Variants in SLC5A10 observed in about 807,000 individuals in gnomAD.
The protein encoded by SLC5A10 is solute carrier family 5 member 10.
In SLC5A10, 55 loss-of-function variants were observed where a neutral mutation model predicts 68.9. That is an observed-to-expected ratio of 0.80 (90% CI 0.64 to 1.00). The LOEUF is 1.00. SLC5A10 is among the 50% of genes least tolerant of loss of function. The pLI is 0.00. For missense variants in SLC5A10, 732 were observed against 819.3 expected (o/e 0.89, Z 1.30); for synonymous variants, 344 against 344.8 (o/e 1.00, Z 0.02).
Position 19,017,583 on chromosome 17 carries a change from GAC to G in SLC5A10, c.1242-1839_1242-1838del, listed in dbSNP as rs958466199. On this transcript the variant is annotated intron_variant, in intron 11 of 14. Coordinates refer to ENST00000395645, the MANE Select transcript of SLC5A10 (RefSeq NM_001042450.4). This position sits in a 1 kb window ranked among gnomAD's most constrained non-coding sequence, Gnocchi z 5.6. ...CCGTCACAGGCTGGGGGAGAGCGAT[GAC>G]CCGCCCCCACTCCCGTATGCCTGCC... 4 of 582,612 alleles carry G rather than the reference GAC, an allele frequency of 6.9e-6. No homozygotes were observed. The African/African-American group carries it at 7.5e-5, about 11-fold the overall frequency. 36.1% of individuals were successfully genotyped at this position (582,612 alleles called of 1,614,324 possible).
chr17:18,970,868 T>C (rs1461710793), intron 7 of SLC5A10, 145 bp from the exon 8 acceptor site: 1 of 695,600 alleles, frequency 1.4e-6, no homozygotes, highest in Non-Finnish European at 2.5e-6. Context: ...CCCTCACACC[T>C]TTCCAAACAC....
At chr17:19,006,144 G>A (rs1054711681) in intron 9 of SLC5A10, among the ~76,000 whole-genome samples, 1 of 152,196 alleles carries the variant, frequency 6.6e-6, no homozygotes, top group Non-Finnish European at 1.5e-5. Context: ...CCCCAGTAGC[G>A]ACGTTTTGCA....
chr17:18,966,287 G>A (rs1597824952), intron 5 of SLC5A10, among the ~76,000 whole-genome samples: 1 of 152,258 alleles, frequency 6.6e-6, no homozygotes, highest in South Asian at 2.1e-4. Flanking sequence ...CAGTTGCTCC[G>A]GCCCCATGGG....
At chr17:18,995,379 A>G (rs909500422) in intron 9 of SLC5A10, among the ~76,000 whole-genome samples, 1 of 152,226 alleles carries the variant, frequency 6.6e-6, no homozygotes, top group Non-Finnish European at 1.5e-5. Context: ...ATTAAACACT[A>G]TAGAAGAGAA....
chr17:18,969,930 C>G (rs560079825), intron 7 of SLC5A10: 1 of 153,482 alleles, frequency 6.5e-6, no homozygotes, highest in African/African-American at 2.4e-5. Context: ...CAGGGCTGCC[C>G]GGAGAGAGCG....
At chr17:19,001,814 G>A (rs773184908) in intron 9 of SLC5A10, among the ~76,000 whole-genome samples, 2 of 152,224 alleles carry the variant, frequency 1.3e-5, no homozygotes, top group African/African-American at 4.8e-5. Context: ...GGATCTGTCT[G>A]TCTGCAGACC....
chr17:19,019,412 C>G lies in SLC5A10; in HGVS notation c.1242-11C>G. On this transcript the variant is annotated splice_polypyrimidine_tract_variant and intron_variant, in intron 11 of 14. Transcript: ENST00000395645. ...CACGACGACCGCTGCCTGCCTTCCACTCGCCTGCAGGCTGGTCATAGTGGC... is the reference window on the plus strand; with the variant it reads ...CACGACGACCGCTGCCTGCCTTCCAGTCGCCTGCAGGCTGGTCATAGTGGC... 1 of 1,605,060 alleles carries G rather than the reference C, an allele frequency of 6.2e-7. No homozygotes were observed. Among genetic ancestry groups the G allele is most frequent in the East Asian group, 2.2e-5 (1 of 44,790 alleles).
Position 19,015,055 on chromosome 17 carries a change from G to A in SLC5A10, c.1097G>A (p.Arg366Gln), listed in dbSNP as rs745820799. Residue 366 changes from arginine (R) to glutamine (Q), a missense_variant, in exon 11 of 15, where the codon CGG becomes CAG. Coordinates refer to ENST00000395645, the MANE Select transcript of SLC5A10 (RefSeq NM_001042450.4). ...ATCCCCCGTCCCACCCCAGGTCTGC[G>A]GGGGCTGATGATCGCAGTGATGCTG... ...LVMELMPIGL[R>Q]GLMIAVMLAA... The A allele has an allele frequency of 6.8e-6, 11 of 1,613,280 alleles. No individual in the cohort carries two copies. The highest frequency in any genetic ancestry group is 2.2e-5 in the East Asian group (1 of 44,880).
chr17:19,017,552 G>A lies in SLC5A10; in HGVS notation c.1242-1871G>A. The A allele has an allele frequency of 1.5e-6, 1 of 681,222 alleles. No homozygotes were observed. The highest frequency in any genetic ancestry group is 1.9e-5 in the South Asian group (1 of 52,980). 42.2% of individuals were successfully genotyped at this position (681,222 alleles called of 1,614,324 possible). ...GCTCTGTCCAGCTGAGCAGAGGCTG[G>A]AGGAGCCGTCACAGGCTGGGGGAGA... On this transcript the variant is annotated intron_variant, in intron 11 of 14. Transcript: ENST00000395645. This position sits in a 1 kb window ranked among gnomAD's most constrained non-coding sequence, Gnocchi z 5.6.
intron 9 of SLC5A10, 73 bp from the exon 10 acceptor site, chr17:19,013,337 C>T (rs2044056824): frequency 6.3e-7 from 1 of 1,588,058 alleles, no homozygotes; most frequent in South Asian, 1.1e-5. Context: ...GGCTCCTGCC[C>T]CCAGCCCTAT....
In SLC5A10 at chr17:19,020,336, A is replaced by C. The variant is rs2044241927; in HGVS notation, c.1696A>C (p.Thr566Pro). ...GCAACCCCCTCCAGGTGATGGCCAAACACCCCAGAAACACGCCTTCTGGGC... is the reference window on the plus strand; with the variant it reads ...GCAACCCCCTCCAGGTGATGGCCAACCACCCCAGAAACACGCCTTCTGGGC... ...PLGTKAGDGQ[T>P]PQKHAFWARV... Residue 566 changes from threonine to proline, a missense_variant, in exon 15 of 15, where the codon ACA (threonine) becomes CCA (proline). Thr to Pro is a conservative substitution (Grantham distance 38, BLOSUM62 -1). Transcript: ENST00000395645. The C allele has an allele frequency of 6.2e-7, 1 of 1,613,966 alleles. No individual in the cohort carries two copies. Among genetic ancestry groups the C allele is most frequent in the African/African-American group, 1.3e-5 (1 of 74,908 alleles).
rs769045878 is a variant in SLC5A10 at position 19,003,986 on chromosome 17, C to T, written c.983-9424C>T. ...GTAGAAGAACTCAGGCTTGGACTCG[C>T]TGGAGCGCCAGTTCACATGGTTGTC... On this transcript the variant is annotated intron_variant, in intron 9 of 14. Transcript: ENST00000395645. The surrounding 1 kb of genome is among the most constrained non-coding windows in gnomAD (Gnocchi z 4.5). 4 of 1,612,150 alleles carry T rather than the reference C, an allele frequency of 2.5e-6. No homozygotes were observed. The Admixed American group carries it at 6.7e-5, about 27-fold the overall frequency.
chr17:18,958,765 C>A lies in SLC5A10; in HGVS notation c.183+12C>A. ...TGACGTGGTGGCCGGTGAGTGCACCCTGACTTCTCACACACCCCCACTTTG... is the reference window on the plus strand; with the variant it reads ...TGACGTGGTGGCCGGTGAGTGCACCATGACTTCTCACACACCCCCACTTTG... On this transcript the variant is annotated intron_variant, in intron 2 of 14. Coordinates refer to ENST00000395645, the MANE Select transcript of SLC5A10 (RefSeq NM_001042450.4). 6.2e-7 allele frequency: 1 copy of A among 1,613,908 alleles called. No individual in the cohort carries two copies. Among genetic ancestry groups the A allele is most frequent in the Non-Finnish European group, 8.5e-7 (1 of 1,179,796 alleles).
intron 1 of SLC5A10, among the ~76,000 whole-genome samples, chr17:18,956,466 T>C (rs770002486): frequency 2.4e-5 from 2 of 82,982 alleles, no homozygotes; most frequent in Non-Finnish European, 2.0e-5. Context: ...TTTCTTTCTG[T>C]TTTTTTTTTT....
Position 18,996,422 on chromosome 17 carries a change from G to T in SLC5A10, c.983-16988G>T, listed in dbSNP as rs2043574802. On this transcript the variant is annotated intron_variant, in intron 9 of 14. Coordinates refer to ENST00000395645, the MANE Select transcript of SLC5A10 (RefSeq NM_001042450.4). This position sits in a 1 kb window ranked among gnomAD's most constrained non-coding sequence, Gnocchi z 4.4. ...TGACATGCCATCTGAAGAGGCCCAA[G>T]AAGGTTCTCTGGGTTAGGAAGTTCT... 6.6e-6 allele frequency among the ~76,000 whole-genome samples: 1 copy of T among 152,126 alleles called. No homozygotes were observed. The highest frequency in any genetic ancestry group is 6.5e-5 in the Admixed American group (1 of 15,274).
At chr17:18,983,993 G>A (rs1224353241) in intron 9 of SLC5A10, among the ~76,000 whole-genome samples, 2 of 152,148 alleles carry the variant, frequency 1.3e-5, no homozygotes, top group Admixed American at 6.5e-5. Context: ...TACCCCCAAG[G>A]TGGACAGTTA....
intron 1 of SLC5A10, among the ~76,000 whole-genome samples, chr17:18,956,684 C>T (rs2042510493): frequency 6.6e-6 from 1 of 152,018 alleles, no homozygotes; most frequent in African/African-American, 2.4e-5. Context: ...ACTATGTTGC[C>T]CAGGCTGGTC....
In SLC5A10 at chr17:18,956,182, G is replaced by A. The variant is rs965251479; in HGVS notation, c.112-2500G>A. Among the ~76,000 whole-genome samples, 13 of 150,482 alleles carry A rather than the reference G, an allele frequency of 8.6e-5. 1 individual carries two copies. The highest frequency in any genetic ancestry group is 2.7e-4 in the African/African-American group (11 of 40,982). On this transcript the variant is annotated intron_variant, in intron 1 of 14. Transcript: ENST00000395645. ...GCACTCCATCCTGGGCAACAAGAGCGAAACTCTGTCTCAAAAATAAATAAA... is the reference window on the plus strand; with the variant it reads ...GCACTCCATCCTGGGCAACAAGAGCAAAACTCTGTCTCAAAAATAAATAAA...
chr17:18,950,904 C>A, upstream of SLC5A10: 1 of 159,374 alleles, frequency 6.3e-6, no homozygotes, highest in Non-Finnish European at 1.3e-5. Context: ...TTAGTAGAGA[C>A]GAGGTTTTGC....
Sources: allele counts gnomAD v4.1 joint callset (sites outside exome capture counted in the v4.1 genomes callset), GRCh38; gene constraint gnomAD v4.1.1; non-coding constraint Gnocchi (gnomAD v3.1); transcripts MANE v1.5; gene names NCBI Gene and HGNC (gene_info 2026-07-23, HGNC 2026-07-21).